The following TNS1 variants were observed in gnomAD, a reference collection of about 807,000 sequenced individuals.
The protein encoded by TNS1 is tensin 1.
In TNS1, 62 loss-of-function variants were observed where a neutral mutation model predicts 168.6. That is an observed-to-expected ratio of 0.37 (90% CI 0.30 to 0.45). The LOEUF is 0.45. Among genes scored for constraint, TNS1 ranks in the 20% least tolerant of loss-of-function variants. TNS1 has a pLI of 1.00. For missense variants in TNS1, 2,240 were observed against 2,339.4 expected (o/e 0.96, Z 0.88); for synonymous variants, 934 against 933.2 (o/e 1.00, Z -0.02).
At chr2:217,849,259 C>T (rs143250363) in intron 18 of TNS1, among the ~76,000 whole-genome samples, 172 bp from the exon 19 acceptor site, 3 of 152,188 alleles carry the variant, frequency 2.0e-5, no homozygotes, top group Non-Finnish European at 2.9e-5. Flanking sequence ...AAGACCTCTA[C>T]CCCAGGCTTT....
intron 30 of TNS1, chr2:217,809,586 T>C: frequency 2.7e-6 from 1 of 364,046 alleles, no homozygotes; most frequent in Non-Finnish European, 5.1e-6. Flanking sequence ...GATAGGTGCA[T>C]GGATGGATGG....
chr2:217,898,033 T>G (rs1952510088), intron 7 of TNS1, 64 bp from the exon 8 acceptor site: 1 of 1,513,040 alleles, frequency 6.6e-7, no homozygotes, highest in Admixed American at 2.0e-5. Context: ...AGGCCCCAGA[T>G]AGCTGCACCC....
At chr2:217,966,395 A>C (rs536925593) in intron 3 of TNS1, among the ~76,000 whole-genome samples, 1 of 152,138 alleles carries the variant, frequency 6.6e-6, no homozygotes, top group Non-Finnish European at 1.5e-5. Context: ...CAAAATTGTT[A>C]TAAAGCAAGA....
chr2:217,804,567 G>A lies in TNS1; in HGVS notation c.5412C>T (p.Thr1804=). ...FGFVARKQGS[T]TDNACHLFAE... ...CAAAGAGGTGGCAGGCGTTGTCCGT[G>A]GTGCTGCCCTGCTTCCGGGCCACGA... is the stretch of plus-strand genomic sequence containing the variant. Residue 1804 remains threonine, a synonymous_variant, in exon 33 of 33, where the codon ACC becomes ACT. Transcript: ENST00000682258. 6.2e-7 allele frequency: 1 copy of A among 1,614,150 alleles called. No homozygotes were observed.
intron 2 of TNS1, among the ~76,000 whole-genome samples, chr2:217,988,227 C>T (rs980344620): frequency 1.5e-4 from 23 of 152,230 alleles, no homozygotes; most frequent in Admixed American, 1.4e-3. Flanking sequence ...TCACCCTCCC[C>T]TCCGGTTCAC....
intron 3 of TNS1, among the ~76,000 whole-genome samples, chr2:217,956,691 T>C (rs922494253): frequency 6.6e-6 from 1 of 152,136 alleles, no homozygotes; most frequent in Non-Finnish European, 1.5e-5. Flanking sequence ...AAATCTCAAG[T>C]GTCCCTCTGG....
chr2:217,808,583 G>T lies in TNS1; in HGVS notation c.5342+20C>A, dbSNP rs749893899. ...TGTTAGAAAGCTGTGTGGGAGAGAA[G>T]CTGTGTACAAGAGACTTACTTTCTT... On this transcript the variant is annotated intron_variant, in intron 31 of 32. Coordinates refer to ENST00000682258, the MANE Select transcript of TNS1 (RefSeq NM_001387777.1). The T allele has an allele frequency of 6.2e-7, 1 of 1,612,216 alleles. No homozygotes were observed. The highest frequency in any genetic ancestry group is 1.1e-5 in the South Asian group (1 of 91,030).
intron 18 of TNS1, among the ~76,000 whole-genome samples, chr2:217,852,441 T>C (rs1947632974): frequency 6.6e-6 from 1 of 152,226 alleles, no homozygotes; most frequent in Admixed American, 6.5e-5. Context: ...CATGCTCATG[T>C]GGTCTGAGAA....
In TNS1 at chr2:217,880,950, G is replaced by A. The variant is rs776300904; in HGVS notation, c.1377C>T (p.Ile459=). Residue 459 remains isoleucine (I), a synonymous_variant, in exon 18 of 33, where the codon ATC becomes ATT. Coordinates refer to ENST00000682258, the MANE Select transcript of TNS1 (RefSeq NM_001387777.1). The surrounding 1 kb of genome is among the most constrained non-coding windows in gnomAD (Gnocchi z 4.2). ...SVDYNTSDPL[I]RWDSYDNFSG... ...TGAAGTTGTCGTAGGAGTCCCAGCG[G>A]ATGAGGGGGTCGGAGGTGTTATAGT... 6 of 1,614,170 alleles carry A rather than the reference G, an allele frequency of 3.7e-6. No homozygotes were observed. The highest frequency in any genetic ancestry group is 5.1e-6 in the Non-Finnish European group (6 of 1,180,040).
chr2:217,957,232 G>T (rs183167258), intron 3 of TNS1, among the ~76,000 whole-genome samples: 124 of 152,262 alleles, frequency 8.1e-4, no homozygotes, highest in Admixed American at 3.5e-3. Flanking sequence ...GCCTTACATG[G>T]ACATCTCAGG....
At chr2:217,921,138 G>A (rs1955666752) in intron 3 of TNS1, among the ~76,000 whole-genome samples, 1 of 152,174 alleles carries the variant, frequency 6.6e-6, no homozygotes, top group African/African-American at 2.4e-5. Flanking sequence ...ACAATTAGCA[G>A]GGGCATTTAT....
intron 18 of TNS1, among the ~76,000 whole-genome samples, chr2:217,851,856 G>A (rs1490061335): frequency 6.6e-6 from 1 of 152,146 alleles, no homozygotes; most frequent in African/African-American, 2.4e-5. Flanking sequence ...TAAAAGAAGA[G>A]ACCTCAGCCT....
chr2:217,899,984 G>A (rs943236503), intron 7 of TNS1, among the ~76,000 whole-genome samples: 7 of 152,118 alleles, frequency 4.6e-5, no homozygotes, highest in East Asian at 1.9e-4. Flanking sequence ...CCCTTCCCCC[G>A]GCCCCTGCCA....
chr2:217,812,504 T>C (rs1941116846), intron 27 of TNS1, 59 bp from the exon 28 acceptor site: 1 of 1,417,454 alleles, frequency 7.1e-7, no homozygotes, highest in Non-Finnish European at 9.9e-7. Context: ...AAGGGAAACC[T>C]CCACCTCTAC....
chr2:217,810,262 A>T lies in TNS1; in HGVS notation c.5090T>A (p.Leu1697Gln). The change falls in exon 29 of 33, where the codon CTG (leucine) becomes CAG (glutamine). Residue 1697 changes from leucine (L) to glutamine (Q), a missense_variant. Leu to Gln is a moderately radical substitution (Grantham distance 113). This residue lies in a region of TNS1 where 2,131 missense variants were observed against 2,171.2 expected (regional missense o/e 0.98). Transcript: ENST00000682258. ...SGPANSTADLLKQGAACNVLF... is the reference protein window; with the variant it reads ...SGPANSTADLQKQGAACNVLF... ...TGACCACTCACCTGCCCCTTGTTTC[A>T]GCAGGTCTGCAGTTGAGTTGGCAGG... 6.2e-7 allele frequency: 1 copy of T among 1,614,092 alleles called. No individual in the cohort carries two copies. Among genetic ancestry groups the T allele is most frequent in the East Asian group, 2.2e-5 (1 of 44,884 alleles).
chr2:217,823,171 C>T (rs573060848), intron 22 of TNS1, among the ~76,000 whole-genome samples: 1 of 152,142 alleles, frequency 6.6e-6, no homozygotes, highest in Non-Finnish European at 1.5e-5. Flanking sequence ...TAACCAGGGC[C>T]AGTACACTTT....
At chr2:217,984,750 CTTT>C (rs58959120) in intron 2 of TNS1, among the ~76,000 whole-genome samples, 17 of 135,742 alleles carry the variant, frequency 1.3e-4, no homozygotes, top group Admixed American at 6.7e-4. Context: ...ACCTCAGCCT[CTTT>C]TTTTTTTTTT....
chr2:217,814,905 C>A lies in TNS1; in HGVS notation c.4729+7G>T, dbSNP rs1422531561. The A allele has an allele frequency of 5.0e-6, 8 of 1,611,586 alleles. No individual in the cohort carries two copies. Among genetic ancestry groups the A allele is most frequent in the Non-Finnish European group, 5.9e-6 (7 of 1,178,730 alleles). ...GCCTCTGATGCACCACAGAGCCCAG[C>A]ACTCACCCTGCTCCCTGGAGATCTC... On this transcript the variant is annotated splice_region_variant and intron_variant, in intron 25 of 32. Coordinates refer to ENST00000682258, the MANE Select transcript of TNS1 (RefSeq NM_001387777.1).
At chr2:217,984,948 C>T (rs1351443972) in intron 2 of TNS1, among the ~76,000 whole-genome samples, 3 of 151,790 alleles carry the variant, frequency 2.0e-5, no homozygotes, top group African/African-American at 7.3e-5. Flanking sequence ...AAGTAGAGAA[C>T]GGGTTTCACC....
Sources: gnomAD v4.1 joint callset for allele counts (sites outside exome capture counted in the v4.1 genomes callset) on GRCh38, gnomAD v4.1.1 for gene constraint, gnomAD v4.1.1 regional missense constraint, Gnocchi (gnomAD v3.1) non-coding constraint, MANE v1.5 for transcripts, NCBI Gene and HGNC (gene_info 2026-07-23, HGNC 2026-07-21) for gene names.